PVT1: variants seen among roughly 807,000 people sequenced by gnomAD.
The protein encoded by PVT1 is Pvt1 oncogene.
intron 2 of PVT1, among the ~76,000 whole-genome samples, chr8:127,840,600 G>A (rs866691918): frequency 6.6e-6 from 1 of 152,250 alleles, no homozygotes; most frequent in African/African-American, 2.4e-5. Flanking sequence ...CCAAAAGGGA[G>A]GAGACCTGTG....
chr8:127,806,732 G>A (rs1033195130), intron 2 of PVT1, among the ~76,000 whole-genome samples: 1 of 152,132 alleles, frequency 6.6e-6, no homozygotes, highest in South Asian at 2.1e-4. Context: ...ACCAACCCCT[G>A]AGTTGTTTGC....
chr8:127,878,340 A>T lies in PVT1; in HGVS notation n.373-12249A>T, dbSNP rs116895849. Among the ~76,000 whole-genome samples, 14 of 152,228 alleles carry T rather than the reference A, an allele frequency of 9.2e-5. No homozygotes were observed. The East Asian group carries it at 2.5e-3, about 27-fold the overall frequency. On this transcript the variant is annotated intron_variant and non_coding_transcript_variant, in intron 2 of 10. Coordinates refer to ENST00000651587, the Ensembl canonical transcript of PVT1. ...AATGGGAGCTTTTCCTATATTGAGGATCTACTAGGTGCAAGGACCTCACTT... is the reference window on the plus strand; with the variant it reads ...AATGGGAGCTTTTCCTATATTGAGGTTCTACTAGGTGCAAGGACCTCACTT...
At chr8:127,863,980 G>A (rs1163652956) in intron 2 of PVT1, among the ~76,000 whole-genome samples, 1 of 152,210 alleles carries the variant, frequency 6.6e-6, no homozygotes, top group Admixed American at 6.5e-5. Context: ...CGGATGGAGC[G>A]AGATGTAGGG....
intron 2 of PVT1, among the ~76,000 whole-genome samples, chr8:127,846,980 C>CTTTTTTTTTTTTTT (rs34437112): frequency 6.4e-5 from 4 of 62,424 alleles, no homozygotes; most frequent in African/African-American, 1.4e-4. Context: ...TGCACATGGC[C>CTTTTTTTTTTTTTT]TTTTTTTTTT....
chr8:127,803,125 CTTTTTTTTTTT>C (rs57755504), intron 2 of PVT1: 1 of 105,360 alleles, frequency 9.5e-6, no homozygotes, highest in African/African-American at 3.9e-5. Flanking sequence ...TTCTTTCTTT[CTTTTTTTTTTT>C]TTTTTTTTTT....
rs1816352051 is a variant in PVT1, at chr8:127,941,689, A to G, written n.783-47473A>G. On this transcript the variant is annotated intron_variant and non_coding_transcript_variant, in intron 3 of 10. Transcript: ENST00000651587. ...TAAAGAGTTATTATTTTGTTATTATAGTATATATGTGAACACCGTGATCAT... is the reference window on the plus strand; with the variant it reads ...TAAAGAGTTATTATTTTGTTATTATGGTATATATGTGAACACCGTGATCAT... Among the ~76,000 whole-genome samples the G allele has an allele frequency of 2.0e-5, 3 of 152,304 alleles. No individual in the cohort carries two copies. In the South Asian group the frequency reaches 6.2e-4, roughly 32 times the overall value.
intron 3 of PVT1, among the ~76,000 whole-genome samples, chr8:127,930,439 G>T (rs769448262): frequency 6.6e-6 from 1 of 152,186 alleles, no homozygotes; most frequent in East Asian, 1.9e-4. Context: ...GATTAGAGGC[G>T]TGAGTCATCA....
At chr8:127,999,422 T>C (rs948287180) in intron 4 of PVT1, 28 of 152,230 alleles carry the variant, frequency 1.8e-4, no homozygotes, top group African/African-American at 6.8e-4. Context: ...ACTATGAGTT[T>C]ATACTGCTGT....
At position 127,992,236 on chromosome 8, in the gene PVT1, A is replaced by T. The variant is rs1414802630; in HGVS notation, n.912+2945A>T. Among the ~76,000 whole-genome samples, 10 of 152,098 alleles carry T rather than the reference A, an allele frequency of 6.6e-5. No homozygotes were observed. In the East Asian group the frequency reaches 1.9e-3, roughly 30 times the overall value. On this transcript the variant is annotated intron_variant and non_coding_transcript_variant, in intron 4 of 10. Transcript: ENST00000651587. ...CCCTGTCTCTATTAAAAATACAAAG[A>T]TTAGCCAGGCATGGTGGCACACGCC... is the stretch of plus-strand genomic sequence containing the variant.
chr8:127,806,654 T>C (rs1443822215), intron 2 of PVT1, among the ~76,000 whole-genome samples: 1 of 152,150 alleles, frequency 6.6e-6, no homozygotes, highest in Non-Finnish European at 1.5e-5. Context: ...GCTTAGAACA[T>C]TTCCATCGTT....
chr8:127,836,455 C>G (rs1249011845), intron 2 of PVT1, among the ~76,000 whole-genome samples: 1 of 152,048 alleles, frequency 6.6e-6, no homozygotes, highest in Non-Finnish European at 1.5e-5. Flanking sequence ...GAAAGGTGAG[C>G]AAATGCTTGT....
intron 3 of PVT1, among the ~76,000 whole-genome samples, chr8:127,981,903 G>T (rs1181070666): frequency 6.6e-6 from 1 of 152,208 alleles, no homozygotes; most frequent in African/African-American, 2.4e-5. Flanking sequence ...GGCTTTTGGA[G>T]GGAGCTTGGC....
intron 2 of PVT1, among the ~76,000 whole-genome samples, chr8:127,838,976 T>C (rs1047507720): frequency 3.9e-5 from 6 of 152,158 alleles, no homozygotes; most frequent in African/African-American, 1.2e-4. Context: ...TGTATTAAGT[T>C]GACTCCGATG....
chr8:127,894,257 C>T (rs1815646194), intron 3 of PVT1, among the ~76,000 whole-genome samples: 1 of 152,158 alleles, frequency 6.6e-6, no homozygotes, highest in Non-Finnish European at 1.5e-5. Context: ...GATGGTCTAC[C>T]CAGGGTGGCA....
intron 2 of PVT1, among the ~76,000 whole-genome samples, chr8:127,869,162 G>A (rs1049059673): frequency 2.8e-4 from 42 of 151,868 alleles, no homozygotes; most frequent in African/African-American, 9.4e-4. Flanking sequence ...ATGGAGTCTC[G>A]CTCTGTTGCC....
At chr8:127,878,003 T>C (rs1815424054) in intron 2 of PVT1, among the ~76,000 whole-genome samples, 1 of 152,152 alleles carries the variant, frequency 6.6e-6, no homozygotes, top group Non-Finnish European at 1.5e-5. Flanking sequence ...TAGAACCTTC[T>C]GTATTTGGAA....
At chr8:128,069,310 T>G (rs1368216739) in intron 4 of PVT1, among the ~76,000 whole-genome samples, 4 of 152,240 alleles carry the variant, frequency 2.6e-5, no homozygotes, top group Non-Finnish European at 5.9e-5. Flanking sequence ...CTTGTCTTAT[T>G]CAGTTAAACT....
chr8:127,890,531 A>G (rs1815588027), intron 2 of PVT1: 1 of 152,248 alleles, frequency 6.6e-6, no homozygotes. Context: ...GAGTGACTGA[A>G]TACTGCTCTG....
intron 4 of PVT1, among the ~76,000 whole-genome samples, chr8:128,008,323 C>T (rs961495237): frequency 1.3e-5 from 2 of 152,194 alleles, no homozygotes; most frequent in African/African-American, 4.8e-5. Context: ...ACAAAAGTGT[C>T]TTCTCTTGAG....
Sources: gnomAD v4.1 joint callset for allele counts (sites outside exome capture counted in the v4.1 genomes callset) on GRCh38, gnomAD v4.1.1 for gene constraint, MANE v1.5 for transcripts, NCBI Gene and HGNC (gene_info 2026-07-23, HGNC 2026-07-21) for gene names.